Variants in IGDCC4 observed in about 807,000 individuals in gnomAD.
The protein encoded by IGDCC4 is immunoglobulin superfamily DCC subclass member 4, also known as likely ortholog of mouse neighbor of Punc E11.
A neutral mutation model predicts 116.6 loss-of-function variants in IGDCC4; 72 were observed. The observed-to-expected ratio is 0.62, with a 90% CI of 0.51 to 0.75. The LOEUF is 0.75. Among genes scored for constraint, IGDCC4 ranks in the 30% least tolerant of loss-of-function variants. IGDCC4 has a pLI of 0.00. For missense variants in IGDCC4, 1,501 were observed against 1,662.4 expected, an observed-to-expected ratio of 0.90 and a Z score of 1.69; for synonymous variants, 709 against 719.9, an observed-to-expected ratio of 0.98 and a Z score of 0.24.
At chr15:65,405,129 TGGG>T (rs35901531) in intron 3 of IGDCC4, among the ~76,000 whole-genome samples, 2,805 of 100,380 alleles carry the variant, frequency 0.028, 57 homozygotes, top group South Asian at 0.075. Flanking sequence ...TATTAGTTAG[TGGG>T]GGGGGGGGAG....
Position 65,422,898 on chromosome 15 carries a change from T to G in IGDCC4, c.-36A>C. ...TCGGGCCGCCGCCGCCGCCGCCGCC[T>G]CCCCGTGCTTCGGCCGCCGCCGCGG... On this transcript the variant is annotated 5_prime_UTR_variant, in exon 1 of 20. Coordinates refer to ENST00000352385, the MANE Select transcript of IGDCC4 (RefSeq NM_020962.3). The G allele has an allele frequency of 9.9e-7, 1 of 1,009,554 alleles. No homozygotes were observed. The highest frequency in any genetic ancestry group is 8.2e-5 in the East Asian group (1 of 12,220). The allele number at this position is 1,009,554 out of a possible 1,614,324, so 62.5% of individuals were successfully genotyped here. A position where few individuals can be genotyped will look rare whatever the true frequency, so the allele number is the denominator to read the frequency against.
intron 16 of IGDCC4, among the ~76,000 whole-genome samples, chr15:65,388,158 C>T (rs544495820): frequency 4.7e-4 from 72 of 151,586 alleles, no homozygotes; most frequent in Non-Finnish European, 9.4e-4. Context: ...GCAGCAGAAT[C>T]GCTTGAACCT....
chr15:65,385,078 C>T lies in IGDCC4; in HGVS notation c.3218G>A (p.Gly1073Asp), dbSNP rs1323804347. Residue 1073 changes from glycine to aspartate, a missense_variant, in exon 19 of 20, where the codon GGT (glycine) becomes GAT (aspartate). Physicochemically the swap from Gly to Asp is moderately conservative, Grantham distance 94 (BLOSUM62 -1). Transcript: ENST00000352385. ...GGGCAGCTCACAGCCTGCCCAGGAA[C>T]CAGCCCAGCTCAGCCCGCTTGGTTG... ...WAQPSGLSWA[G>D]SWAGCELPQA... 6 of 1,603,690 alleles carry T rather than the reference C, an allele frequency of 3.7e-6. No individual in the cohort carries two copies. Among genetic ancestry groups the T allele is most frequent in the Non-Finnish European group, 5.1e-6 (6 of 1,177,788 alleles).
chr15:65,411,243 G>A lies in IGDCC4; in HGVS notation c.198C>T (p.Pro66=), dbSNP rs1275395307. 6.2e-7 allele frequency: 1 copy of A among 1,614,030 alleles called. No homozygotes were observed. Among genetic ancestry groups the A allele is most frequent in the Non-Finnish European group, 8.5e-7 (1 of 1,180,022 alleles). ...NCSLGAAAAG[P]PTRVTWSKDG... is the part of the protein sequence containing the mutation. Reference sequence around the variant, plus strand: ...CCTTGCTCCAGGTCACCCTGGTGGGGGGTCCAGCGGCAGCAGCCCCCAGGC... The same window carrying A: ...CCTTGCTCCAGGTCACCCTGGTGGGAGGTCCAGCGGCAGCAGCCCCCAGGC... The change falls in exon 2 of 20, where the codon CCC becomes CCT. Residue 66 remains proline (P), a synonymous_variant. Coordinates refer to ENST00000352385, the MANE Select transcript of IGDCC4 (RefSeq NM_020962.3).
intron 6 of IGDCC4, 47 bp downstream of exon 6, chr15:65,396,787 C>G (rs964591349): frequency 1.9e-6 from 3 of 1,543,754 alleles, no homozygotes; most frequent in Non-Finnish European, 2.6e-6. Context: ...GCTCTATTCA[C>G]CCCAGCCCCA....
chr15:65,387,100 C>T lies in IGDCC4; in HGVS notation c.2846-444G>A, dbSNP rs189612903. ...GGAGTGCAGTGGCATGAACACGGCT[C>T]GCTGTAGCATCAACCTCCTGGGCTC... On this transcript the variant is annotated intron_variant, in intron 16 of 19. Coordinates refer to ENST00000352385, the MANE Select transcript of IGDCC4 (RefSeq NM_020962.3). 1.2e-4 allele frequency among the ~76,000 whole-genome samples: 19 copies of T among 152,162 alleles called. No individual in the cohort carries two copies. In the East Asian group the frequency reaches 2.5e-3, roughly 20 times the overall value.
chr15:65,419,882 G>A (rs2140245538), intron 1 of IGDCC4, among the ~76,000 whole-genome samples: 1 of 152,304 alleles, frequency 6.6e-6, no homozygotes, highest in Non-Finnish European at 1.5e-5. Flanking sequence ...GAGGAGATGG[G>A]CAGGCACAGG....
At chr15:65,402,851 C>CAG (rs2063003453) in intron 3 of IGDCC4, among the ~76,000 whole-genome samples, 2 of 152,076 alleles carry the variant, frequency 1.3e-5, no homozygotes, top group South Asian at 4.1e-4. Flanking sequence ...TGGGCGACAA[C>CAG]AGCAAAACTC....
At position 65,393,386 on chromosome 15, in the gene IGDCC4, C is replaced by A; in HGVS notation, c.1860G>T (p.Thr620=). 6.2e-7 allele frequency: 1 copy of A among 1,612,346 alleles called. No homozygotes were observed. The highest frequency in any genetic ancestry group is 8.5e-7 in the Non-Finnish European group (1 of 1,179,130). ...GAPSQWMHHR[T]PSMHNQSHVP... ...CATGGCTCTGGTTGTGCATACTGGGCGTCCTGTGATGCATCCACTGGGAGG... is the reference window on the plus strand; with the variant it reads ...CATGGCTCTGGTTGTGCATACTGGGAGTCCTGTGATGCATCCACTGGGAGG... Residue 620 remains threonine, a synonymous_variant, in exon 10 of 20, where the codon ACG becomes ACT. Transcript: ENST00000352385. This position sits in a 1 kb window ranked among gnomAD's most constrained non-coding sequence, Gnocchi z 4.6.
intron 1 of IGDCC4, among the ~76,000 whole-genome samples, chr15:65,421,507 G>T (rs1224225246): frequency 6.6e-6 from 1 of 152,152 alleles, no homozygotes; most frequent in Non-Finnish European, 1.5e-5. Context: ...GTCTTTGTAG[G>T]GACAGAAGGG....
intron 14 of IGDCC4, 95 bp downstream of exon 14, chr15:65,389,189 C>G: frequency 6.5e-7 from 1 of 1,539,566 alleles, no homozygotes; most frequent in Non-Finnish European, 8.8e-7. Flanking sequence ...CAGCTCTGCC[C>G]AAACCTTGGG....
At chr15:65,411,928 G>A (rs2063098177) in intron 1 of IGDCC4, among the ~76,000 whole-genome samples, 1 of 152,204 alleles carries the variant, frequency 6.6e-6, no homozygotes, top group Admixed American at 6.5e-5. Context: ...GCACAACGTT[G>A]TGAATATGAA....
intron 1 of IGDCC4, among the ~76,000 whole-genome samples, chr15:65,420,767 AG>A (rs2140246905): frequency 6.6e-6 from 1 of 152,170 alleles, no homozygotes; most frequent in Non-Finnish European, 1.5e-5. Context: ...CTCCTTCTAC[AG>A]GGCTAACTCC....
rs2140187229 is a variant in IGDCC4 at position 65,385,261 on chromosome 15, G to C, written c.3181-146C>G. 3 of 862,124 alleles carry C rather than the reference G, an allele frequency of 3.5e-6. No homozygotes were observed. The East Asian group carries it at 8.5e-5, about 25-fold the overall frequency. 53.4% of individuals were successfully genotyped at this position (862,124 alleles called of 1,614,324 possible). A position where few individuals can be genotyped will look rare whatever the true frequency, so the allele number is the denominator to read the frequency against. On this transcript the variant is annotated intron_variant, in intron 18 of 19. Coordinates refer to ENST00000352385, the MANE Select transcript of IGDCC4 (RefSeq NM_020962.3). ...CTCTCTCCCTCTCCAAGGCTCTGGG[G>C]AGGAGCATCGAAAGGGCTCAGAGTC...
chr15:65,385,704 G>A (rs75957309), intron 18 of IGDCC4, 127 bp downstream of exon 18: 20,493 of 797,664 alleles, frequency 0.026, 344 homozygotes, highest in Middle Eastern at 0.047. Flanking sequence ...AGGAGGGAGA[G>A]AGGCCCTAGC....
chr15:65,418,133 C>T (rs995183505), intron 1 of IGDCC4, among the ~76,000 whole-genome samples: 1 of 152,182 alleles, frequency 6.6e-6, no homozygotes, highest in African/African-American at 2.4e-5. Context: ...AACAGTAACT[C>T]CCTTCAGGGC....
Position 65,385,926 on chromosome 15 carries a change from A to G in IGDCC4, c.3085T>C (p.Trp1029Arg). 10 of 1,609,514 alleles carry G rather than the reference A, an allele frequency of 6.2e-6. No homozygotes were observed. The highest frequency in any genetic ancestry group is 7.6e-6 in the Non-Finnish European group (9 of 1,179,118). Residue 1029 changes from tryptophan (W) to arginine (R), a missense_variant, in exon 18 of 20, where the codon TGG becomes CGG. By Grantham distance (101) the Trp-to-Arg change is moderately radical (BLOSUM62 -3). Transcript: ENST00000352385. ...ESLVHPHPQDWSPPPSDVEDR... is the reference protein window; with the variant it reads ...ESLVHPHPQDRSPPPSDVEDR... ...TCCACGTCTGAGGGTGGCGGGGACC[A>G]GTCCTGGGGATGGGGGTGCACAAGG... is the stretch of plus-strand genomic sequence containing the variant.
intron 17 of IGDCC4, 89 bp downstream of exon 17, chr15:65,386,462 C>T (rs2091459470): frequency 8.8e-7 from 1 of 1,131,918 alleles, no homozygotes; most frequent in Admixed American, 2.0e-5. Context: ...GTGCCAAGGG[C>T]AAGTCATGGC....
chr15:65,385,095 G>T lies in IGDCC4; in HGVS notation c.3201C>A (p.Ser1067Arg), dbSNP rs545014951. The T allele has an allele frequency of 6.9e-5, 110 of 1,596,552 alleles. No individual in the cohort carries two copies. The highest frequency in any genetic ancestry group is 8.0e-5 in the Non-Finnish European group (94 of 1,176,110). ...CCCAGGAACCAGCCCAGCTCAGCCC[G>T]CTTGGTTGAGCCCAGGAGATCTGCA... is the stretch of plus-strand genomic sequence containing the variant. The part of the protein sequence containing the change: ...SKRKISWAQP[S>R]GLSWAGSWAG... The change falls in exon 19 of 20, where the codon AGC becomes AGA. Residue 1067 changes from serine (S) to arginine (R), a missense_variant. Physicochemically the swap from Ser to Arg is moderately radical, Grantham distance 110 (BLOSUM62 -1). Around this residue, in one of 3 missense-constraint regions of IGDCC4, gnomAD observed 368 missense variants for 355.6 expected, o/e 1.03. Coordinates refer to ENST00000352385, the MANE Select transcript of IGDCC4 (RefSeq NM_020962.3).
Sources: allele counts gnomAD v4.1 joint callset (sites outside exome capture counted in the v4.1 genomes callset), GRCh38; gene constraint gnomAD v4.1.1; regional missense constraint gnomAD v4.1.1; non-coding constraint Gnocchi (gnomAD v3.1); transcripts MANE v1.5; gene names NCBI Gene and HGNC (gene_info 2026-07-23, HGNC 2026-07-21).